Variants in ACTN4 observed in about 807,000 individuals in gnomAD.
The protein encoded by ACTN4 is alpha-actinin-4.
In ACTN4, 18 loss-of-function variants were observed where a neutral mutation model predicts 114.2. The observed-to-expected ratio is 0.16, with a 90% CI of 0.11 to 0.23. The LOEUF (loss-of-function observed/expected upper bound fraction) is 0.23, where lower values mean the gene tolerates loss of function less well. Ranked by LOEUF, ACTN4 falls within the 10% of genes least tolerant of loss-of-function variation. The pLI is 1.00. For missense variants in ACTN4, 722 were observed against 1,262.9 expected, an observed-to-expected ratio of 0.57 and a Z score of 6.49; for synonymous variants, 515 against 506.3, an observed-to-expected ratio of 1.02 and a Z score of -0.23.
chr19:38,726,247 C>T (rs1202412383), intron 17 of ACTN4, among the ~76,000 whole-genome samples: 1 of 149,628 alleles, frequency 6.7e-6, no homozygotes, highest in African/African-American at 2.5e-5. Context: ...GAGGTCATGC[C>T]ACCACACTTC....
At position 38,723,689 on chromosome 19, in the gene ACTN4, C is replaced by A. The variant is rs373180035; in HGVS notation, c.1518C>A (p.Gly506=). 2 of 1,612,960 alleles carry A rather than the reference C, an allele frequency of 1.2e-6. No homozygotes were observed. The highest frequency in any genetic ancestry group is 2.7e-5 in the African/African-American group (2 of 75,006). Residue 506 remains glycine, a synonymous_variant, in exon 13 of 21, where the codon GGC becomes GGA. Transcript: ENST00000252699. ...QKICDQWDAL[G]SLTHSRREAL... ...TCTGTGACCAGTGGGACGCCCTCGG[C>A]TCTCTGACACATAGTCGCAGGGAAG... is the stretch of plus-strand genomic sequence containing the variant.
intron 1 of ACTN4, among the ~76,000 whole-genome samples, chr19:38,675,207 A>G (rs1010977553): frequency 6.6e-6 from 1 of 152,190 alleles, no homozygotes; most frequent in African/African-American, 2.4e-5. Context: ...GAGGTCTGAA[A>G]CCAGCCGAAG....
intron 19 of ACTN4, among the ~76,000 whole-genome samples, chr19:38,728,633 ACT>A (rs559550448): frequency 5.1e-4 from 77 of 150,096 alleles, no homozygotes; most frequent in African/African-American, 1.7e-3. Flanking sequence ...CAGCTCTCCC[ACT>A]CTCTCCCCTT....
chr19:38,724,073 T>C lies in ACTN4; in HGVS notation c.1688T>C (p.Ile563Thr). The change falls in exon 14 of 21, where the codon ATT (isoleucine) becomes ACT (threonine). Residue 563 changes from isoleucine (I) to threonine (T), a missense_variant. By Grantham distance (89) the Ile-to-Thr change is moderately conservative (BLOSUM62 -1). Around this residue, in one of 3 missense-constraint regions of ACTN4, gnomAD observed 523 missense variants for 875.9 expected, o/e 0.60. Transcript: ENST00000252699. The surrounding 1 kb of genome is among the most constrained non-coding windows in gnomAD (Gnocchi z 7.0). ...TTCATCGTCCATACCATCGAGGAGA[T>C]TGAGGTTCGCACCCCCCGGCCCCCC... ...DMFIVHTIEEIEGLISAHDQF... is the reference protein window; with the variant it reads ...DMFIVHTIEETEGLISAHDQF... 1 of 1,613,626 alleles carries C rather than the reference T, an allele frequency of 6.2e-7. No homozygotes were observed. Among genetic ancestry groups the C allele is most frequent in the Admixed American group, 1.7e-5 (1 of 60,024 alleles).
intron 6 of ACTN4, 151 bp from the exon 7 acceptor site, chr19:38,709,244 C>A: frequency 2.8e-6 from 2 of 719,154 alleles, no homozygotes; most frequent in South Asian, 1.5e-5. Flanking sequence ...GGTGCCCTCC[C>A]GCTCACACAT....
chr19:38,691,640 C>T lies in ACTN4; in HGVS notation c.163-8960C>T, dbSNP rs148411624. On this transcript the variant is annotated intron_variant, in intron 1 of 20. Transcript: ENST00000252699. ...TCCTTTGGCCTGGCGCGGTGGCTCA[C>T]GCCTGTAATCCCAGCACTTTGGGAG... is the stretch of plus-strand genomic sequence containing the variant. Among the ~76,000 whole-genome samples the T allele has an allele frequency of 5.5e-3, 833 of 152,014 alleles. 5 individuals carry two copies. The highest frequency in any genetic ancestry group is 0.019 in the African/African-American group (797 of 41,434).
intron 1 of ACTN4, chr19:38,683,815 A>C (rs1490751419): frequency 6.6e-6 from 1 of 152,120 alleles, no homozygotes; most frequent in East Asian, 1.9e-4. Flanking sequence ...AGGCCACCTC[A>C]GCATAGCTCT....
intron 19 of ACTN4, chr19:38,728,239 C>A: frequency 1.4e-6 from 2 of 1,471,848 alleles, no homozygotes; most frequent in Non-Finnish European, 1.9e-6. Context: ...TCCTGTCTGC[C>A]TGCTGTGCAC....
Position 38,714,507 on chromosome 19 carries a change from T to C in ACTN4, c.858T>C (p.Ala286=). The change falls in exon 9 of 21, where the codon GCT becomes GCC. Residue 286 remains alanine (A), a synonymous_variant. Transcript: ENST00000252699. ...TAANRICKVL[A]VNQENEHLME... Reference sequence around the variant, plus strand: ...CCAACCGGATCTGTAAGGTGCTGGCTGTCAACCAAGAGAACGAGCACCTGA... The same window carrying C: ...CCAACCGGATCTGTAAGGTGCTGGCCGTCAACCAAGAGAACGAGCACCTGA... 2 of 1,613,922 alleles carry C rather than the reference T, an allele frequency of 1.2e-6. No individual in the cohort carries two copies. Among genetic ancestry groups the C allele is most frequent in the Non-Finnish European group, 1.7e-6 (2 of 1,180,008 alleles).
At chr19:38,706,443 G>T (rs890999794) in intron 5 of ACTN4, among the ~76,000 whole-genome samples, 1 of 152,212 alleles carries the variant, frequency 6.6e-6, no homozygotes, top group African/African-American at 2.4e-5. Flanking sequence ...TTGAGACAGG[G>T]TCTTGTGCTG....
chr19:38,719,944 C>G (rs1968979750), intron 11 of ACTN4, among the ~76,000 whole-genome samples: 2 of 152,224 alleles, frequency 1.3e-5, no homozygotes, highest in South Asian at 4.1e-4. Context: ...GGTTCAGCGG[C>G]CTCCACACGT....
In ACTN4 at chr19:38,647,655, G is replaced by C. The variant is rs1976420570; in HGVS notation, c.-91G>C. On this transcript the variant is annotated 5_prime_UTR_variant, in exon 1 of 21. Transcript: ENST00000252699. ...CGCGGGCGGAGGGCGGGCTGAAGCA[G>C]CTGAAGCGGCGGTAGCGGCGGCGGC... The C allele has an allele frequency of 7.5e-6, 11 of 1,464,200 alleles. No homozygotes were observed. The highest frequency in any genetic ancestry group is 4.4e-5 in the African/African-American group (3 of 67,672). 90.7% of individuals were successfully genotyped at this position (1,464,200 alleles called of 1,614,324 possible). A position where few individuals can be genotyped will look rare whatever the true frequency, so the allele number is the denominator to read the frequency against.
intron 17 of ACTN4, among the ~76,000 whole-genome samples, chr19:38,726,278 ACT>A (rs1286932209): frequency 6.9e-6 from 1 of 144,526 alleles, no homozygotes. Context: ...ACAGAGCCAG[ACT>A]CTGTCTCAAA....
intron 12 of ACTN4, among the ~76,000 whole-genome samples, chr19:38,722,899 G>A (rs1403873674): frequency 3.3e-5 from 5 of 152,284 alleles, no homozygotes; most frequent in Admixed American, 6.5e-5. Flanking sequence ...CTGAAGGAAC[G>A]GAAGGGAGGG....
chr19:38,687,253 G>C (rs143614294), intron 1 of ACTN4, among the ~76,000 whole-genome samples: 1 of 152,248 alleles, frequency 6.6e-6, no homozygotes, highest in East Asian at 1.9e-4. Flanking sequence ...GATTACAGGC[G>C]TGAGCCCCTG....
At chr19:38,662,451 G>C (rs1004231925) in intron 1 of ACTN4, among the ~76,000 whole-genome samples, 19 of 152,314 alleles carry the variant, frequency 1.2e-4, no homozygotes, top group Admixed American at 9.1e-4. Flanking sequence ...CTGTGATGGT[G>C]CAGCCAGCCC....
At chr19:38,692,668 G>A (rs1422092529) in intron 1 of ACTN4, among the ~76,000 whole-genome samples, 1 of 152,196 alleles carries the variant, frequency 6.6e-6, no homozygotes, top group South Asian at 2.1e-4. Context: ...ATGCCCCAGT[G>A]GGGCTAGGCC....
chr19:38,727,627 ACC>A lies in ACTN4; in HGVS notation c.2338-310_2338-309del, dbSNP rs3214908. On this transcript the variant is annotated intron_variant, in intron 18 of 20. Coordinates refer to ENST00000252699, the MANE Select transcript of ACTN4 (RefSeq NM_004924.6). This position sits in a 1 kb window ranked among gnomAD's most constrained non-coding sequence, Gnocchi z 5.4. The stretch of plus-strand genomic sequence containing the variant: ...ACTCCAAATCCCAAAGGCAAGGAGA[ACC>A]CCCCCCCCGACCCTCCACCAGTCCT... Among the ~76,000 whole-genome samples the A allele has an allele frequency of 8.1e-6, 1 of 123,574 alleles. No homozygotes were observed. The highest frequency in any genetic ancestry group is 8.0e-5 in the Admixed American group (1 of 12,508). 81.1% of individuals were successfully genotyped at this position (123,574 alleles called of 152,430 possible). A position where few individuals can be genotyped will look rare whatever the true frequency, so the allele number is the denominator to read the frequency against.
chr19:38,677,654 T>G (rs1294058849), intron 1 of ACTN4, among the ~76,000 whole-genome samples: 1 of 151,768 alleles, frequency 6.6e-6, no homozygotes, highest in Non-Finnish European at 1.5e-5. Flanking sequence ...CTGGGACACT[T>G]CTAGGCCCAG....
Sources: gnomAD v4.1 joint callset for allele counts (sites outside exome capture counted in the v4.1 genomes callset) on GRCh38, gnomAD v4.1.1 for gene constraint, gnomAD v4.1.1 regional missense constraint, Gnocchi (gnomAD v3.1) non-coding constraint, MANE v1.5 for transcripts, NCBI Gene and HGNC (gene_info 2026-07-23, HGNC 2026-07-21) for gene names.